ESYT2: variants seen among roughly 807,000 people sequenced by gnomAD.
ESYT2 encodes the protein extended synaptotagmin 2, also known as extended synaptotagmin-2.
ESYT2 carries 54 observed loss-of-function variants against 107.2 expected under a neutral mutation model. The observed-to-expected ratio is 0.50, with a 90% CI of 0.40 to 0.63. ESYT2 has a LOEUF of 0.63. ESYT2 is among the 30% of genes least tolerant of loss of function. ESYT2 has a pLI of 0.00. For synonymous variants in ESYT2, 491 were observed against 434.1 expected (o/e 1.13, Z -1.63); for missense variants, 1,020 against 1,094.5 (o/e 0.93, Z 0.96).
At chr7:158,743,055 C>T (rs1266777208) in intron 17 of ESYT2, among the ~76,000 whole-genome samples, 2 of 152,164 alleles carry the variant, frequency 1.3e-5, no homozygotes, top group African/African-American at 4.8e-5. Context: ...GTTTTACTTT[C>T]AATATTTCCT....
intron 1 of ESYT2, among the ~76,000 whole-genome samples, chr7:158,807,131 G>T (rs1839852587): frequency 6.6e-6 from 1 of 151,460 alleles, no homozygotes. Flanking sequence ...GGCGCCTGTA[G>T]TCCCACCTAC....
intron 6 of ESYT2, among the ~76,000 whole-genome samples, chr7:158,780,984 G>A (rs568186196): frequency 6.6e-6 from 1 of 152,236 alleles, no homozygotes; most frequent in Non-Finnish European, 1.5e-5. Flanking sequence ...ATCTATGTGA[G>A]AAAGAGGGAC....
intron 1 of ESYT2, among the ~76,000 whole-genome samples, chr7:158,807,533 A>G (rs1207105620): frequency 6.6e-6 from 1 of 152,226 alleles, no homozygotes. Context: ...AATCAGACAC[A>G]TGAAAACACT....
chr7:158,786,796 T>C (rs1839130483), intron 6 of ESYT2, among the ~76,000 whole-genome samples: 1 of 152,220 alleles, frequency 6.6e-6, no homozygotes, highest in African/African-American at 2.4e-5. Flanking sequence ...TTACAAATGA[T>C]GTTGAAGGTA....
intron 4 of ESYT2, among the ~76,000 whole-genome samples, chr7:158,792,816 T>A (rs940381537): frequency 1.4e-5 from 2 of 143,154 alleles, no homozygotes; most frequent in Non-Finnish European, 3.0e-5. Context: ...TCCCCCAGGC[T>A]GGAGCGCAGT....
intron 6 of ESYT2, among the ~76,000 whole-genome samples, chr7:158,778,557 G>A (rs1361411969): frequency 2.0e-5 from 3 of 151,792 alleles, no homozygotes; most frequent in Non-Finnish European, 4.4e-5. Flanking sequence ...TCCTATTCCT[G>A]AAATTTCACG....
chr7:158,788,138 G>A, intron 5 of ESYT2, 45 bp from the exon 6 acceptor site: 1 of 1,513,048 alleles, frequency 6.6e-7, no homozygotes, highest in Non-Finnish European at 9.2e-7. Flanking sequence ...AAAACATTCT[G>A]CAGGGCCGCT....
intron 18 of ESYT2, among the ~76,000 whole-genome samples, chr7:158,741,116 C>T (rs6459897): frequency 0.011 from 1,679 of 152,308 alleles, 26 homozygotes; most frequent in African/African-American, 0.038. Flanking sequence ...GATCCAACTA[C>T]GTGAAAGAGC....
intron 6 of ESYT2, among the ~76,000 whole-genome samples, chr7:158,782,145 G>T (rs1164165701): frequency 6.6e-6 from 1 of 152,114 alleles, no homozygotes; most frequent in Non-Finnish European, 1.5e-5. Context: ...ACAAGTGAGT[G>T]AACAAGTGTG....
chr7:158,799,001 T>G, intron 2 of ESYT2, 30 bp downstream of exon 2: 1 of 1,590,758 alleles, frequency 6.3e-7, no homozygotes, highest in Non-Finnish European at 8.6e-7. Context: ...ATTCCACTGA[T>G]GGATGGTAGT....
intron 9 of ESYT2, among the ~76,000 whole-genome samples, chr7:158,763,715 C>T (rs1425643417): frequency 6.6e-6 from 1 of 152,120 alleles, no homozygotes; most frequent in African/African-American, 2.4e-5. Flanking sequence ...TCTAGGGATC[C>T]TGGATTGCGT....
rs1839320387 is a variant in ESYT2, at chr7:158,792,256, GCTCACGCCTGTGATC to G, written c.584+1379_584+1393del. 2.0e-5 allele frequency among the ~76,000 whole-genome samples: 3 copies of G among 148,346 alleles called. No individual in the cohort carries two copies. The South Asian group carries it at 6.3e-4, about 31-fold the overall frequency. ...TTAATTCCTTCCCCTGGGTGCAGTC[GCTCACGCCTGTGATC>G]CCAGAGCTTCGGGAGGCCAAGGTGA... is the stretch of plus-strand genomic sequence containing the variant. On this transcript the variant is annotated intron_variant, in intron 4 of 22. Transcript: ENST00000275418.
intron 1 of ESYT2, among the ~76,000 whole-genome samples, chr7:158,824,407 T>C (rs1490885806): frequency 6.6e-6 from 1 of 152,260 alleles, no homozygotes; most frequent in Non-Finnish European, 1.5e-5. Context: ...ATTAAGTCAA[T>C]GATTAACACT....
intron 6 of ESYT2, among the ~76,000 whole-genome samples, chr7:158,779,536 G>A (rs981733084): frequency 3.3e-5 from 5 of 152,188 alleles, no homozygotes; most frequent in African/African-American, 1.2e-4. Context: ...AGACCTAGAG[G>A]AAGTAATCTT....
At chr7:158,737,954 C>A (rs1346145615) in intron 19 of ESYT2, among the ~76,000 whole-genome samples, 1 of 152,122 alleles carries the variant, frequency 6.6e-6, no homozygotes, top group Non-Finnish European at 1.5e-5. Flanking sequence ...ATTAATATAA[C>A]AAACAAGTTA....
intron 18 of ESYT2, 96 bp downstream of exon 18, chr7:158,741,427 G>T: frequency 6.8e-7 from 1 of 1,476,842 alleles, no homozygotes; most frequent in Non-Finnish European, 9.0e-7. Context: ...AAAGCATGCC[G>T]GCCTCATGCT....
intron 1 of ESYT2, among the ~76,000 whole-genome samples, chr7:158,800,701 A>T (rs2788498): frequency 0.93 from 140,961 of 151,176 alleles, 65,677 homozygotes; most frequent in Middle Eastern, 0.96. Context: ...ACTTTTTTTT[A>T]AATAGGTTTC....
intron 4 of ESYT2, among the ~76,000 whole-genome samples, chr7:158,789,289 A>G (rs918434050): frequency 6.6e-6 from 1 of 152,182 alleles, no homozygotes; most frequent in Non-Finnish European, 1.5e-5. Flanking sequence ...TAGTTGGTAA[A>G]ATCACCACTA....
chr7:158,741,281 T>TC (rs1837191685), intron 18 of ESYT2, among the ~76,000 whole-genome samples: 1 of 152,170 alleles, frequency 6.6e-6, no homozygotes, highest in Non-Finnish European at 1.5e-5. Context: ...AACCTATTAC[T>TC]CCATCACGTT....
Sources: allele counts gnomAD v4.1 joint callset (sites outside exome capture counted in the v4.1 genomes callset), GRCh38; gene constraint gnomAD v4.1.1; transcripts MANE v1.5; gene names NCBI Gene and HGNC (gene_info 2026-07-23, HGNC 2026-07-21).